The following EDARADD variants were observed in gnomAD, a reference collection of about 807,000 sequenced individuals.
EDARADD encodes the protein ectodysplasin-A receptor-associated adapter protein.
A neutral mutation model predicts 25.6 loss-of-function variants in EDARADD; 20 were observed. The observed-to-expected ratio is 0.78, with a 90% CI of 0.55 to 1.14. The LOEUF (loss-of-function observed/expected upper bound fraction) is 1.14. EDARADD is among the 50% of genes most tolerant of loss of function. The pLI, the probability that EDARADD is intolerant of heterozygous loss-of-function variation, is 0.00. For missense variants in EDARADD, 225 were observed against 270.1 expected (o/e 0.83, Z 1.17); for synonymous variants, 86 against 94.4 (o/e 0.91, Z 0.52).
chr1:236,388,660 C>T (rs1667385247), intron 3 of EDARADD, among the ~76,000 whole-genome samples: 1 of 152,040 alleles, frequency 6.6e-6, no homozygotes, highest in African/African-American at 2.4e-5. Context: ...TGGGACCTTC[C>T]CCCCGCACCC....
exon 2 of EDARADD, chr1:236,348,805 G>A: frequency 6.6e-6 from 1 of 152,166 alleles, no homozygotes; most frequent in East Asian, 1.9e-4. Flanking sequence ...TCTGTGGAAG[G>A]CGCCCACCTT....
chr1:236,360,537 G>GATTTTTTTTTTTTTT (rs1558100082), intron 3 of EDARADD, among the ~76,000 whole-genome samples: 1 of 131,266 alleles, frequency 7.6e-6, no homozygotes, highest in African/African-American at 3.0e-5. Flanking sequence ...TTAATTCACG[G>GATTTTTTTTTTTTTT]TTTTTTTTTT....
At chr1:236,460,124 T>C (rs1658998308) in intron 4 of EDARADD, among the ~76,000 whole-genome samples, 1 of 152,122 alleles carries the variant, frequency 6.6e-6, no homozygotes, top group Admixed American at 6.6e-5. Flanking sequence ...ATTCTTACAC[T>C]GGGCAGTAAG....
At chr1:236,464,013 G>A (rs1659113009) in intron 4 of EDARADD, among the ~76,000 whole-genome samples, 1 of 152,160 alleles carries the variant, frequency 6.6e-6, no homozygotes, top group South Asian at 2.1e-4. Flanking sequence ...CAGAAGTGAT[G>A]TCTAAGCTGA....
chr1:236,440,840 G>A (rs1008695763), intron 4 of EDARADD, among the ~76,000 whole-genome samples: 10 of 152,104 alleles, frequency 6.6e-5, no homozygotes, highest in Non-Finnish European at 1.0e-4. Flanking sequence ...TCCAATGACT[G>A]GCCATTCCTC....
At chr1:236,472,681 C>CTG (rs1558136771) in intron 5 of EDARADD, among the ~76,000 whole-genome samples, 1 of 152,148 alleles carries the variant, frequency 6.6e-6, no homozygotes, top group African/African-American at 2.4e-5. Context: ...CACAGCTATT[C>CTG]TATTCATTGT....
At chr1:236,437,842 G>A (rs1018397228) in intron 4 of EDARADD, among the ~76,000 whole-genome samples, 10 of 150,596 alleles carry the variant, frequency 6.6e-5, no homozygotes, top group African/African-American at 2.5e-4. Flanking sequence ...TTTGCCTCCT[G>A]GGTTCAAGCG....
intron 5 of EDARADD, among the ~76,000 whole-genome samples, chr1:236,481,515 C>T (rs1282098028): frequency 6.6e-6 from 1 of 151,494 alleles, no homozygotes; most frequent in East Asian, 1.9e-4. Flanking sequence ...GTAATCCCAG[C>T]ACTTTGGGAG....
chr1:236,408,855 G>T (rs961413870), intron 1 of EDARADD, among the ~76,000 whole-genome samples: 2 of 152,060 alleles, frequency 1.3e-5, no homozygotes, highest in Non-Finnish European at 2.9e-5. Flanking sequence ...CTGGGCTCAA[G>T]CGATTCTCCT....
rs770030379 is a variant in EDARADD at position 236,398,418 on chromosome 1, C to A, written c.61+3913C>A. Among the ~76,000 whole-genome samples, 3 of 152,208 alleles carry A rather than the reference C, an allele frequency of 2.0e-5. No individual in the cohort carries two copies. The highest frequency in any genetic ancestry group is 4.4e-5 in the Non-Finnish European group (3 of 68,040). ...AGCCAGTCGTCTTTTAAAAACAAAT[C>A]GGATTCTGCCATTTGTCTGTGCTGG... On this transcript the variant is annotated intron_variant, in intron 1 of 5. Transcript: ENST00000334232. This position sits in a 1 kb window ranked among gnomAD's most constrained non-coding sequence, Gnocchi z 4.1.
chr1:236,432,717 C>T lies in EDARADD; in HGVS notation c.219+5267C>T, dbSNP rs187268912. Among the ~76,000 whole-genome samples, 6 of 151,948 alleles carry T rather than the reference C, an allele frequency of 3.9e-5. No individual in the cohort carries two copies. The East Asian group carries it at 1.2e-3, about 29-fold the overall frequency. ...CTGGCCAACACAGTGAAACCCCGTC[C>T]CTACTAAAAATACAAAAATTAGCTG... On this transcript the variant is annotated intron_variant, in intron 4 of 5. Coordinates refer to ENST00000334232, the MANE Select transcript of EDARADD (RefSeq NM_145861.4).
chr1:236,400,963 G>A (rs1324766098), intron 1 of EDARADD, among the ~76,000 whole-genome samples: 2 of 152,012 alleles, frequency 1.3e-5, no homozygotes, highest in African/African-American at 2.4e-5. Context: ...TTAGGAGGCC[G>A]AGGGAGGTGG....
intron 5 of EDARADD, among the ~76,000 whole-genome samples, chr1:236,471,526 G>A (rs1386398167): frequency 2.0e-5 from 3 of 151,516 alleles, no homozygotes; most frequent in African/African-American, 7.3e-5. Flanking sequence ...GCAGAAGGAT[G>A]TGACTCTCCT....
intron 3 of EDARADD, among the ~76,000 whole-genome samples, chr1:236,416,985 G>A (rs1425293773): frequency 6.6e-6 from 1 of 152,118 alleles, no homozygotes; most frequent in Non-Finnish European, 1.5e-5. Context: ...GTGGTGACAT[G>A]TGCCTGTAAT....
At chr1:236,363,735 G>T (rs1022261397) in intron 3 of EDARADD, among the ~76,000 whole-genome samples, 1 of 152,062 alleles carries the variant, frequency 6.6e-6, no homozygotes, top group African/African-American at 2.4e-5. Context: ...CTTTAAAAAG[G>T]AGTAGATCCA....
Position 236,484,188 on chromosome 1 carries a change from C to A in EDARADD, c.*1539C>A. On this transcript the variant is annotated 3_prime_UTR_variant, in exon 6 of 6. Transcript: ENST00000334232. The surrounding 1 kb of genome is among the most constrained non-coding windows in gnomAD (Gnocchi z 4.1). ...TGAGAAGAAGTGCAACTGCCTCCTG[C>A]TCAAAGTGAACCAGATTCGCTCTGT... The A allele has an allele frequency of 2.6e-6, 3 of 1,138,008 alleles. No homozygotes were observed. Among genetic ancestry groups the A allele is most frequent in the South Asian group, 2.5e-5 (2 of 81,596 alleles). 70.5% of individuals were successfully genotyped at this position (1,138,008 alleles called of 1,614,324 possible). A position where few individuals can be genotyped will look rare whatever the true frequency, so the allele number is the denominator to read the frequency against.
intron 3 of EDARADD, among the ~76,000 whole-genome samples, chr1:236,417,145 T>G (rs1217358264): frequency 1.3e-5 from 2 of 151,852 alleles, no homozygotes; most frequent in East Asian, 3.9e-4. Flanking sequence ...AATAAATAAA[T>G]AAGTTGTTTT....
At chr1:236,468,040 G>A (rs142730964) in intron 4 of EDARADD, among the ~76,000 whole-genome samples, 191 bp from the exon 5 acceptor site, 62 of 152,258 alleles carry the variant, frequency 4.1e-4, no homozygotes, top group African/African-American at 1.4e-3. Flanking sequence ...AAGCCCCTGC[G>A]CTCAAGGTGC....
chr1:236,453,422 G>A (rs146766892), intron 4 of EDARADD, among the ~76,000 whole-genome samples: 66 of 151,874 alleles, frequency 4.3e-4, no homozygotes, highest in Middle Eastern at 3.4e-3. Context: ...GATTACAGGC[G>A]CGCACCACCG....
Sources: allele counts gnomAD v4.1 joint callset (sites outside exome capture counted in the v4.1 genomes callset), GRCh38; gene constraint gnomAD v4.1.1; non-coding constraint Gnocchi (gnomAD v3.1); transcripts MANE v1.5; gene names NCBI Gene and HGNC (gene_info 2026-07-23, HGNC 2026-07-21).